Variants in DAB2IP observed in about 807,000 individuals in gnomAD.
The protein encoded by DAB2IP is DAB2 interacting protein.
Under a neutral mutation model 107.2 loss-of-function variants are expected in DAB2IP, and 28 were observed. The observed-to-expected ratio is 0.26, with a 90% CI of 0.19 to 0.36. DAB2IP has a LOEUF of 0.36. Among genes scored for constraint, DAB2IP ranks in the 10% least tolerant of loss-of-function variants. The probability of loss-of-function intolerance (pLI) is 1.00; values close to 1 mark genes in which losing one functional copy is unlikely to be tolerated. For missense variants in DAB2IP, 1,400 were observed against 1,644.7 expected (o/e 0.85, Z 2.57); for synonymous variants, 755 against 706.4 (o/e 1.07, Z -1.09).
intron 3 of DAB2IP, among the ~76,000 whole-genome samples, chr9:121,744,987 G>A (rs535314864): frequency 2.6e-5 from 4 of 152,212 alleles, no homozygotes; most frequent in Non-Finnish European, 5.9e-5. Context: ...ACCTGGAAAC[G>A]TAGCTTGGGA....
chr9:121,671,880 G>A (rs1035932065), intron 1 of DAB2IP, among the ~76,000 whole-genome samples: 6 of 151,918 alleles, frequency 3.9e-5, no homozygotes, highest in East Asian at 1.9e-4. Context: ...AGAGTGCTGC[G>A]GTCAGTATCT....
intron 4 of DAB2IP, among the ~76,000 whole-genome samples, chr9:121,757,476 C>T (rs1589652773): frequency 6.6e-6 from 1 of 152,206 alleles, no homozygotes; most frequent in Non-Finnish European, 1.5e-5. Context: ...TTCTTAAGCA[C>T]CAGAGCCCAT....
chr9:121,756,911 C>G lies in DAB2IP; in HGVS notation c.363-102C>G. On this transcript the variant is annotated intron_variant, in intron 3 of 15. Transcript: ENST00000408936. Reference sequence around the variant, plus strand: ...AAGGAGAGAGAGTGGAGAGGAGTGGCTGCCTGCTGGAAGGGGCACGGCCAG... The same window carrying G: ...AAGGAGAGAGAGTGGAGAGGAGTGGGTGCCTGCTGGAAGGGGCACGGCCAG... 2.0e-6 allele frequency: 3 copies of G among 1,497,178 alleles called. No individual in the cohort carries two copies. In the East Asian group the frequency reaches 6.8e-5, roughly 34 times the overall value. The allele number at this position is 1,497,178 out of a possible 1,614,324, so 92.7% of individuals were successfully genotyped here.
chr9:121,642,529 T>G (rs1332221336), intron 1 of DAB2IP, among the ~76,000 whole-genome samples: 1 of 144,962 alleles, frequency 6.9e-6, no homozygotes, highest in Non-Finnish European at 1.5e-5. Flanking sequence ...CTCACTGTGT[T>G]GCCAGGGCTG....
intron 14 of DAB2IP, among the ~76,000 whole-genome samples, chr9:121,778,065 G>A (rs1835330722): frequency 6.6e-6 from 1 of 152,178 alleles, no homozygotes; most frequent in African/African-American, 2.4e-5. Flanking sequence ...ATAAACAACA[G>A]AATATGTATT....
chr9:121,641,868 T>TCC (rs1832301447), intron 1 of DAB2IP, among the ~76,000 whole-genome samples: 1 of 141,962 alleles, frequency 7.0e-6, no homozygotes, highest in Non-Finnish European at 1.5e-5. Context: ...TTCTTTTCTT[T>TCC]CTTTCTTTCT....
At chr9:121,575,058 G>C (rs1830025606) in intron 1 of DAB2IP, 1 of 152,622 alleles carries the variant, frequency 6.6e-6, no homozygotes, top group African/African-American at 2.4e-5. Context: ...GCCTGGAGCA[G>C]GGCGGGGAAG....
At chr9:121,773,413 G>A (rs753432152) in exon 12 of DAB2IP, 1 of 1,578,234 alleles carries the variant, frequency 6.3e-7, no homozygotes, top group Middle Eastern at 1.7e-4. Flanking sequence ...GATTGGGTGG[G>A]CCCCAGTACC....
intron 1 of DAB2IP, among the ~76,000 whole-genome samples, chr9:121,575,812 G>T (rs1473527330): frequency 1.3e-5 from 2 of 152,150 alleles, no homozygotes; most frequent in African/African-American, 2.4e-5. Flanking sequence ...CCAGAGCTGT[G>T]GTCCTCCCAG....
chr9:121,595,159 A>G (rs143085717), intron 1 of DAB2IP, among the ~76,000 whole-genome samples: 4 of 152,108 alleles, frequency 2.6e-5, no homozygotes, highest in African/African-American at 4.8e-5. Flanking sequence ...AGAAAGGATG[A>G]CCAGGTTATT....
chr9:121,708,283 G>A (rs55770967), intron 3 of DAB2IP, among the ~76,000 whole-genome samples: 1 of 152,338 alleles, frequency 6.6e-6, no homozygotes, highest in Middle Eastern at 3.4e-3. Context: ...CACACTGGAG[G>A]AAACCCAGTA....
rs1376183174 is a variant in DAB2IP, at chr9:121,776,176, G to C, written c.3121-22G>C. The C allele has an allele frequency of 6.4e-6, 10 of 1,559,920 alleles. No individual in the cohort carries two copies. The highest frequency in any genetic ancestry group is 1.4e-5 in the African/African-American group (1 of 73,786). ...TCTCTGTGTCCTGGGTGCTGTGCCC[G>C]TGGACGCTGCCCTCCTGGTAGGACC... On this transcript the variant is annotated intron_variant, in intron 13 of 15. Transcript: ENST00000408936. This position sits in a 1 kb window ranked among gnomAD's most constrained non-coding sequence, Gnocchi z 5.4.
Position 121,757,996 on chromosome 9 carries a change from G to A in DAB2IP, c.516+830G>A, listed in dbSNP as rs184213405. 9.6e-4 allele frequency among the ~76,000 whole-genome samples: 146 copies of A among 152,356 alleles called. 3 individuals carry two copies. The highest frequency in any genetic ancestry group is 9.0e-3 in the Admixed American group (138 of 15,312). ...GCCTGGCACCTGCCCCATACCCTGT[G>A]CCCACTGGGGACCATTTCTGGTTCA... is the stretch of plus-strand genomic sequence containing the variant. On this transcript the variant is annotated intron_variant, in intron 4 of 15. Transcript: ENST00000408936.
intron 1 of DAB2IP, among the ~76,000 whole-genome samples, chr9:121,644,281 G>T (rs1206602903): frequency 6.6e-6 from 1 of 151,486 alleles, no homozygotes; most frequent in Non-Finnish European, 1.5e-5. Flanking sequence ...GAAGGAAAGA[G>T]AAAGAAGGAA....
At chr9:121,675,614 A>G (rs964171941) in intron 1 of DAB2IP, among the ~76,000 whole-genome samples, 1 of 152,176 alleles carries the variant, frequency 6.6e-6, no homozygotes, top group African/African-American at 2.4e-5. Context: ...GTTGGGACCC[A>G]TGGGACTTAA....
rs1162025600 is a variant in DAB2IP at position 121,698,929 on chromosome 9, G to A, written c.229-396G>A. ...GCTCGGAGGCGGCAGGGAGGTGAGC[G>A]GGGCGGCCGGCCCTGGCGGTCCCCG... On this transcript the variant is annotated intron_variant, in intron 2 of 15. Transcript: ENST00000408936. The surrounding 1 kb of genome is among the most constrained non-coding windows in gnomAD (Gnocchi z 4.1). 2.6e-5 allele frequency among the ~76,000 whole-genome samples: 4 copies of A among 151,968 alleles called. No individual in the cohort carries two copies. The East Asian group carries it at 5.8e-4, about 22-fold the overall frequency.
rs914290213 is a variant in DAB2IP at position 121,599,512 on chromosome 9, G to T, written c.40+32284G>T. Among the ~76,000 whole-genome samples, 3 of 151,900 alleles carry T rather than the reference G, an allele frequency of 2.0e-5. No homozygotes were observed. The highest frequency in any genetic ancestry group is 6.6e-5 in the Admixed American group (1 of 15,258). On this transcript the variant is annotated intron_variant, in intron 1 of 16. Transcript: ENST00000259371. The surrounding 1 kb of genome is among the most constrained non-coding windows in gnomAD (Gnocchi z 6.9). ...TGCGATTGGCAGGGCTGGGCAGGCC[G>T]GGTGGCCGCGGGAGCCCGGGAGCCG... is the stretch of plus-strand genomic sequence containing the variant.
intron 2 of DAB2IP, among the ~76,000 whole-genome samples, chr9:121,694,430 C>G (rs1284070504): frequency 1.3e-5 from 2 of 152,148 alleles, no homozygotes; most frequent in East Asian, 1.9e-4. Context: ...TTCGTCAGAA[C>G]AGAAGCTTGA....
In DAB2IP at chr9:121,662,971, G is replaced by A. The variant is rs1833268527; in HGVS notation, c.124+11072G>A. Among the ~76,000 whole-genome samples the A allele has an allele frequency of 1.3e-5, 2 of 152,150 alleles. No individual in the cohort carries two copies. The highest frequency in any genetic ancestry group is 6.5e-5 in the Admixed American group (1 of 15,276). On this transcript the variant is annotated intron_variant, in intron 1 of 15. Coordinates refer to ENST00000408936, the Ensembl canonical transcript of DAB2IP. The surrounding 1 kb of genome is among the most constrained non-coding windows in gnomAD (Gnocchi z 4.6). Reference sequence around the variant, plus strand: ...AAAAAATGGGGAAAGTGACACTGCCGACTCAAATTACTAGAAATCCTCAGA... The same window carrying A: ...AAAAAATGGGGAAAGTGACACTGCCAACTCAAATTACTAGAAATCCTCAGA...
Sources: gnomAD v4.1 joint callset for allele counts (sites outside exome capture counted in the v4.1 genomes callset) on GRCh38, gnomAD v4.1.1 for gene constraint, Gnocchi (gnomAD v3.1) non-coding constraint, MANE v1.5 for transcripts, NCBI Gene and HGNC (gene_info 2026-07-23, HGNC 2026-07-21) for gene names.